Variants in FYN observed in about 807,000 individuals in gnomAD.
FYN encodes the protein FYN proto-oncogene, Src family tyrosine kinase.
In FYN, 10 loss-of-function variants were observed where a neutral mutation model predicts 70.2. The observed-to-expected ratio is 0.14, with a 90% CI of 0.09 to 0.24. The LOEUF is 0.24. Ranked by LOEUF, FYN falls within the 10% of genes least tolerant of loss-of-function variation. The pLI is 1.00. For synonymous variants in FYN, 236 were observed against 248.6 expected, an observed-to-expected ratio of 0.95 and a Z score of 0.48; for missense variants, 319 against 673.1, an observed-to-expected ratio of 0.47 and a Z score of 5.82.
At chr6:111,757,645 G>A (rs946197993) in intron 3 of FYN, among the ~76,000 whole-genome samples, 6 of 152,250 alleles carry the variant, frequency 3.9e-5, no homozygotes, top group African/African-American at 1.4e-4. Context: ...GGAGATGGAT[G>A]CTATGAAGGG....
chr6:111,717,204 G>T (rs1800689228), intron 4 of FYN, among the ~76,000 whole-genome samples: 1 of 152,028 alleles, frequency 6.6e-6, no homozygotes, highest in Admixed American at 6.5e-5. Context: ...AACGTCAAAA[G>T]ACATTTTTGA....
chr6:111,704,128 AT>A, intron 6 of FYN, 26 bp from the exon 7 acceptor site: 1 of 1,581,952 alleles, frequency 6.3e-7, no homozygotes. Flanking sequence ...AGGAAAGAAA[AT>A]ATTTTGAAAT....
intron 3 of FYN, among the ~76,000 whole-genome samples, chr6:111,745,887 T>C (rs903112761): frequency 6.6e-6 from 1 of 152,190 alleles, no homozygotes; most frequent in African/African-American, 2.4e-5. Flanking sequence ...CCTTCAGTAA[T>C]GTTTCCCCTG....
chr6:111,753,006 C>T (rs572223899), intron 3 of FYN, among the ~76,000 whole-genome samples: 11 of 151,920 alleles, frequency 7.2e-5, no homozygotes, highest in Admixed American at 7.2e-4. Flanking sequence ...TTGAATGCCC[C>T]CAAAATAGAG....
chr6:111,864,586 T>C (rs1774054363), intron 1 of FYN, among the ~76,000 whole-genome samples: 1 of 151,932 alleles, frequency 6.6e-6, no homozygotes, highest in African/African-American at 2.4e-5. Flanking sequence ...GGTAATCAGG[T>C]GCTCTGGGAG....
At chr6:111,728,311 C>A (rs1207534331) in intron 3 of FYN, among the ~76,000 whole-genome samples, 1 of 152,032 alleles carries the variant, frequency 6.6e-6, no homozygotes, top group African/African-American at 2.4e-5. Flanking sequence ...ATAGAAAAGC[C>A]CCTTGTAGTT....
chr6:111,819,407 C>T (rs1198826776), intron 2 of FYN, among the ~76,000 whole-genome samples: 2 of 152,064 alleles, frequency 1.3e-5, no homozygotes, highest in African/African-American at 4.8e-5. Context: ...AATTCTTATT[C>T]CAACATTTAA....
intron 13 of FYN, among the ~76,000 whole-genome samples, chr6:111,663,423 C>T (rs1396913360): frequency 2.6e-5 from 4 of 152,228 alleles, no homozygotes; most frequent in South Asian, 4.1e-4. Flanking sequence ...AGGGAACACT[C>T]GGACTTCGGG....
chr6:111,670,895 G>A (rs1798234717), intron 13 of FYN, among the ~76,000 whole-genome samples: 1 of 152,156 alleles, frequency 6.6e-6, no homozygotes. Flanking sequence ...CCAGAAAACT[G>A]CTTTTACTTA....
At chr6:111,749,505 TA>T (rs1419503058) in intron 3 of FYN, among the ~76,000 whole-genome samples, 1 of 152,192 alleles carries the variant, frequency 6.6e-6, no homozygotes, top group African/African-American at 2.4e-5. Flanking sequence ...AACAAAAGCT[TA>T]TTAAAACATG....
chr6:111,826,021 C>A (rs545044069), intron 2 of FYN, among the ~76,000 whole-genome samples: 27 of 152,024 alleles, frequency 1.8e-4, no homozygotes, highest in African/African-American at 6.3e-4. Flanking sequence ...AAGTATACAA[C>A]CATGGGAGTA....
chr6:111,774,554 A>G (rs781559329), intron 3 of FYN, among the ~76,000 whole-genome samples: 3 of 152,024 alleles, frequency 2.0e-5, no homozygotes, highest in Non-Finnish European at 4.4e-5. Flanking sequence ...GAGGACAACA[A>G]CAAACCCCTC....
intron 1 of FYN, among the ~76,000 whole-genome samples, chr6:111,867,458 GAAAAAA>G (rs373634134): frequency 6.5e-4 from 46 of 70,464 alleles, no homozygotes; most frequent in South Asian, 9.8e-4. Context: ...TCCGTCTCGG[GAAAAAA>G]AAAAAAAAAA....
At chr6:111,756,805 G>A (rs1020899643) in intron 3 of FYN, among the ~76,000 whole-genome samples, 3 of 152,108 alleles carry the variant, frequency 2.0e-5, no homozygotes, top group African/African-American at 7.2e-5. Flanking sequence ...AGCAAACTAG[G>A]ATCAGAAGGG....
intron 3 of FYN, among the ~76,000 whole-genome samples, chr6:111,725,576 C>A (rs1801153935): frequency 6.6e-6 from 1 of 152,154 alleles, no homozygotes; most frequent in Admixed American, 6.5e-5. Flanking sequence ...GAGAAAAAGT[C>A]ACTGCTGGGT....
At chr6:111,786,984 G>A (rs1269780121) in intron 2 of FYN, among the ~76,000 whole-genome samples, 1 of 152,144 alleles carries the variant, frequency 6.6e-6, no homozygotes, top group Non-Finnish European at 1.5e-5. Flanking sequence ...CAGATGAGTA[G>A]ATTGCAAAAA....
chr6:111,808,607 C>A (rs1349680131), intron 2 of FYN, among the ~76,000 whole-genome samples: 3 of 152,188 alleles, frequency 2.0e-5, no homozygotes, highest in Non-Finnish European at 4.4e-5. Flanking sequence ...TGACGTTGTA[C>A]ATAGAAGTCA....
chr6:111,698,007 T>C (rs144157712), intron 9 of FYN, among the ~76,000 whole-genome samples: 17 of 152,302 alleles, frequency 1.1e-4, no homozygotes, highest in African/African-American at 3.6e-4. Flanking sequence ...AGCTAACTCA[T>C]ACATATATAT....
At chr6:111,741,609 T>C (rs1374097624) in intron 3 of FYN, among the ~76,000 whole-genome samples, 7 of 119,430 alleles carry the variant, frequency 5.9e-5, no homozygotes, top group African/African-American at 9.0e-5. Context: ...TCTAAGAAAA[T>C]GGTGACAACA....
Sources: allele counts gnomAD v4.1 joint callset (sites outside exome capture counted in the v4.1 genomes callset), GRCh38; gene constraint gnomAD v4.1.1; transcripts MANE v1.5; gene names NCBI Gene and HGNC (gene_info 2026-07-23, HGNC 2026-07-21).